Variants in MUC4 observed in about 807,000 individuals in gnomAD.
MUC4 encodes the protein mucin 4, cell surface associated.
In MUC4, 202 loss-of-function variants were observed where a neutral mutation model predicts 257.9. The observed-to-expected ratio is 0.78, with a 90% CI of 0.70 to 0.88. The LOEUF is 0.88. Ranked by LOEUF, MUC4 falls within the 40% of genes least tolerant of loss-of-function variation. The pLI is 0.00. For missense variants in MUC4, 5,976 were observed against 6,513.7 expected, an observed-to-expected ratio of 0.92 and a Z score of 2.84; for synonymous variants, 2,351 against 2,757.1, an observed-to-expected ratio of 0.85 and a Z score of 4.62.
chr3:195,748,340 G>A (rs1266706520), intron 24 of MUC4, among the ~76,000 whole-genome samples: 1 of 152,292 alleles, frequency 6.6e-6, no homozygotes, highest in Non-Finnish European at 1.5e-5. Context: ...AAGGTGGACG[G>A]ATCACCTGAG....
In MUC4 at chr3:195,790,718, T is replaced by C; in HGVS notation, c.862A>G (p.Ser288Gly). 1 of 1,614,022 alleles carries C rather than the reference T, an allele frequency of 6.2e-7. No homozygotes were observed. Among genetic ancestry groups the C allele is most frequent in the Non-Finnish European group, 8.5e-7 (1 of 1,179,898 alleles). ...GCTGCTGAGGTGACTGGCATAAGAC[T>C]TCCAGTAACAGGTACTGATGATGTC... ...GETSSVPVTG[S>G]LMPVTSAALV... The change falls in exon 2 of 25, where the codon AGT (serine) becomes GGT (glycine). Residue 288 changes from serine to glycine, a missense_variant. Around this residue, in one of 44 missense-constraint regions of MUC4, gnomAD observed 1,583 missense variants for 1,257.4 expected, o/e 1.26. Transcript: ENST00000463781.
In MUC4 at chr3:195,785,984, A is replaced by T. The variant is rs753733954; in HGVS notation, c.5596T>A (p.Ser1866Thr). ...AGAAGAGAGGTGGCGTGACCTGTGG[A>T]CACTGAGGAAGCGTCGGTGACAGGA... Reference protein sequence around the residue: ...SLPVTDASSVSTGHATSLLVT... With the variant: ...SLPVTDASSVTTGHATSLLVT... The change falls in exon 2 of 25, where the codon TCC becomes ACC. Residue 1866 changes from serine to threonine, a missense_variant. Transcript: ENST00000463781. 8 of 1,510,692 alleles carry T rather than the reference A, an allele frequency of 5.3e-6. No homozygotes were observed. Among genetic ancestry groups the T allele is most frequent in the Non-Finnish European group, 5.3e-6 (6 of 1,125,134 alleles). The allele number at this position is 1,510,692 out of a possible 1,614,324, so 93.6% of individuals were successfully genotyped here.
At chr3:195,767,076 G>A (rs1321841162) in intron 7 of MUC4, among the ~76,000 whole-genome samples, 1 of 152,104 alleles carries the variant, frequency 6.6e-6, no homozygotes, top group African/African-American at 2.4e-5. Context: ...CCTTCAACAA[G>A]CAGAGGGTTT....
rs756958315 is a variant in MUC4, at chr3:195,790,104, G to A, written c.1476C>T (p.Phe492=). The change falls in exon 2 of 25, where the codon TTC becomes TTT. Residue 492 remains phenylalanine, a synonymous_variant. Coordinates refer to ENST00000463781, the MANE Select transcript of MUC4 (RefSeq NM_018406.7). ...LHETTTWPSS[F]SSKGHTTWSQ... ...ACCAAGTTGTGTGGCCTTTGCTGGAGAATGAGGAAGGCCATGTTGTTGTTT... is the reference window on the plus strand; with the variant it reads ...ACCAAGTTGTGTGGCCTTTGCTGGAAAATGAGGAAGGCCATGTTGTTGTTT... 5.0e-6 allele frequency: 8 copies of A among 1,614,042 alleles called. No homozygotes were observed. Among genetic ancestry groups the A allele is most frequent in the Non-Finnish European group, 6.8e-6 (8 of 1,179,896 alleles).
rs75030029 is a variant in MUC4, at chr3:195,784,172, T to C, written c.7408A>G (p.Thr2470Ala). 0.09 allele frequency: 126,500 copies of C among 1,413,176 alleles called. 7,818 individuals carry two copies. Among genetic ancestry groups the C allele is most frequent in the Middle Eastern group, 0.2 (801 of 4,100 alleles). The allele number at this position is 1,413,176 out of a possible 1,614,324, so 87.5% of individuals were successfully genotyped here. ...GTGTGACCTGTGGATACTGAGGAAGTGTCGGTGCCAGGAAGAGGGGTGGTG... is the reference window on the plus strand; with the variant it reads ...GTGTGACCTGTGGATACTGAGGAAGCGTCGGTGCCAGGAAGAGGGGTGGTG... ...GDTTPLPGTD[T>A]SSVSTGHTTP... is the part of the protein sequence containing the mutation. Residue 2470 changes from threonine to alanine, a missense_variant, in exon 2 of 25, where the codon ACT becomes GCT. Thr to Ala is a moderately conservative substitution (Grantham distance 58). Transcript: ENST00000463781.
Position 195,765,118 on chromosome 3 carries a change from GCGA to G in MUC4, c.13800_13802del (p.Arg4601del), listed in dbSNP as rs746489512. The G allele has an allele frequency of 1.2e-5, 20 of 1,612,258 alleles. No homozygotes were observed. The highest frequency in any genetic ancestry group is 6.8e-6 in the Non-Finnish European group (8 of 1,179,158). Reference sequence around the variant, plus strand: ...ACAGCTGCCTACTGCCGAGGCCCCAGCGACCTGAAACAAGTCCAGTCCCACTCA... The same window carrying G: ...ACAGCTGCCTACTGCCGAGGCCCCAGCCTGAAACAAGTCCAGTCCCACTCA... On this transcript the variant is annotated inframe_deletion and splice_region_variant, in exon 10 of 25. Transcript: ENST00000463781.
In MUC4 at chr3:195,810,558, A is replaced by G. The variant is rs1215771653; in HGVS notation, c.82+1178T>C. Among the ~76,000 whole-genome samples, 2 of 151,946 alleles carry G rather than the reference A, an allele frequency of 1.3e-5. No homozygotes were observed. Among genetic ancestry groups the G allele is most frequent in the Non-Finnish European group, 2.9e-5 (2 of 67,964 alleles). On this transcript the variant is annotated intron_variant, in intron 1 of 24. Coordinates refer to ENST00000463781, the MANE Select transcript of MUC4 (RefSeq NM_018406.7). The surrounding 1 kb of genome is among the most constrained non-coding windows in gnomAD (Gnocchi z 4.2). Reference sequence around the variant, plus strand: ...CTGTACACGGAGGAGCCCAAGGCCAATGCCGGGGCTACGAGCCCCAGGCAA... The same window carrying G: ...CTGTACACGGAGGAGCCCAAGGCCAGTGCCGGGGCTACGAGCCCCAGGCAA...
At position 195,779,061 on chromosome 3, in the gene MUC4, G is replaced by A. The variant is rs1450301846; in HGVS notation, c.12519C>T (p.His4173=). 744 of 712,080 alleles carry A rather than the reference G, an allele frequency of 1.0e-3. 137 individuals are homozygous for A. The African/African-American group carries it at 0.017, about 16-fold the overall frequency. 44.1% of individuals were successfully genotyped at this position (712,080 alleles called of 1,614,324 possible). Residue 4173 remains histidine (H), a synonymous_variant, in exon 2 of 25, where the codon CAC becomes CAT. Coordinates refer to ENST00000463781, the MANE Select transcript of MUC4 (RefSeq NM_018406.7). ...VTDASSVSTG[H]GTPLPVTSTS... ...TGCTGGTGACAGGAAGAGGGGTGCC[G>A]TGACCTGTGGACACTGAGGAAGCGT...
intron 20 of MUC4, among the ~76,000 whole-genome samples, chr3:195,752,674 G>A (rs868251181): frequency 3.9e-3 from 488 of 126,528 alleles, no homozygotes; most frequent in African/African-American, 0.018. Flanking sequence ...AGGTCGCTGA[G>A]CAAACCGGGA....
Position 195,786,557 on chromosome 3 carries a change from T to A in MUC4, c.5023A>T (p.Thr1675Ser). 2 of 1,515,074 alleles carry A rather than the reference T, an allele frequency of 1.3e-6. No homozygotes were observed. Among genetic ancestry groups the A allele is most frequent in the Non-Finnish European group, 1.8e-6 (2 of 1,124,876 alleles). The allele number at this position is 1,515,074 out of a possible 1,614,324, so 93.9% of individuals were successfully genotyped here. ...ACAGGAAGAGGGGTGGCGTGACCGG[T>A]GGATGCTGAGGAAGTGCTGGTGACA... is the stretch of plus-strand genomic sequence containing the variant. ...LPVTSTSSAS[T>S]GHATPLPVTG... The change falls in exon 2 of 25, where the codon ACC becomes TCC. Residue 1675 changes from threonine to serine, a missense_variant. This residue lies in a region of MUC4 where 61 missense variants were observed against 100.2 expected (regional missense o/e 0.61). Transcript: ENST00000463781.
rs533450550 is a variant in MUC4, at chr3:195,806,628, T to C, written c.82+5108A>G. 2.0e-3 allele frequency among the ~76,000 whole-genome samples: 309 copies of C among 152,318 alleles called. 2 individuals are homozygous for C. The highest frequency in any genetic ancestry group is 4.4e-3 in the Admixed American group (67 of 15,288). On this transcript the variant is annotated intron_variant, in intron 1 of 24. Transcript: ENST00000463781. ...TTTAATTAACAAATGAATGAATGAA[T>C]GGCTGTCTCAGCAGGGTGTGTGAAT...
In MUC4 at chr3:195,788,248, G is replaced by A. The variant is rs1733097379; in HGVS notation, c.3332C>T (p.Ser1111Phe). Residue 1111 changes from serine (S) to phenylalanine (F), a missense_variant, in exon 2 of 25, where the codon TCC becomes TTC. This residue lies in a region of MUC4 where 68 missense variants were observed against 90.4 expected (regional missense o/e 0.75). Transcript: ENST00000463781. The stretch of plus-strand genomic sequence containing the variant: ...GGTGGTGTGACCTGTGGATACTGAG[G>A]AAGTGTCGGTGACAGGAAGAGAGGT... ...HATSLPVTDT[S>F]SVSTGHTTPL... is the part of the protein sequence containing the mutation. 1.4e-6 allele frequency: 2 copies of A among 1,475,522 alleles called. No homozygotes were observed. Among genetic ancestry groups the A allele is most frequent in the Non-Finnish European group, 1.8e-6 (2 of 1,105,558 alleles). 91.4% of individuals were successfully genotyped at this position (1,475,522 alleles called of 1,614,324 possible).
At position 195,778,211 on chromosome 3, in the gene MUC4, C is replaced by T. The variant is rs1402090064; in HGVS notation, c.12943+92G>A. ...TGTCCTCGGTAAGGCCCTCCCCACC[C>T]GAGAGAGCGGAGACTGTGGGAAGTA... On this transcript the variant is annotated intron_variant, in intron 3 of 24. Coordinates refer to ENST00000463781, the MANE Select transcript of MUC4 (RefSeq NM_018406.7). The T allele has an allele frequency of 4.1e-5, 60 of 1,448,360 alleles. No individual in the cohort carries two copies. In the Admixed American group the frequency reaches 1.0e-3, roughly 25 times the overall value. The allele number at this position is 1,448,360 out of a possible 1,614,324, so 89.7% of individuals were successfully genotyped here.
At position 195,771,581 on chromosome 3, in the gene MUC4, C is replaced by T. The variant is rs1297346967; in HGVS notation, c.13242+71G>A. On this transcript the variant is annotated intron_variant, in intron 5 of 24. Coordinates refer to ENST00000463781, the MANE Select transcript of MUC4 (RefSeq NM_018406.7). ...GTCACAGCAGCAACTCTGGCAAAGC[C>T]TTCCACACAGCTCTTTGTCTCCCCT... The T allele has an allele frequency of 3.2e-6, 5 of 1,550,898 alleles. No individual in the cohort carries two copies. The East Asian group carries it at 1.1e-4, about 36-fold the overall frequency.
At position 195,789,180 on chromosome 3, in the gene MUC4, C is replaced by T. The variant is rs770722469; in HGVS notation, c.2400G>A (p.Ala800=). ...PASSGSRTTS[A]GTATPSSSGA... ...CGGATGAGGAAGGGGTAGCTGTGCC[C>T]GCTGAGGTGGTTCGTGACCCTGAGG... is the stretch of plus-strand genomic sequence containing the variant. The change falls in exon 2 of 25, where the codon GCG becomes GCA. Residue 800 remains alanine, a synonymous_variant. Coordinates refer to ENST00000463781, the MANE Select transcript of MUC4 (RefSeq NM_018406.7). 14 of 1,613,686 alleles carry T rather than the reference C, an allele frequency of 8.7e-6. No individual in the cohort carries two copies. In the Admixed American group the frequency reaches 1.2e-4, roughly 13 times the overall value.
Position 195,789,253 on chromosome 3 carries a change from G to T in MUC4, c.2327C>A (p.Ala776Asp). 6.2e-7 allele frequency: 1 copy of T among 1,613,928 alleles called. No individual in the cohort carries two copies. Among genetic ancestry groups the T allele is most frequent in the Non-Finnish European group, 8.5e-7 (1 of 1,179,862 alleles). ...TAAAMTHTHQAESTEASGQTQ... is the reference protein window; with the variant it reads ...TAAAMTHTHQDESTEASGQTQ... ...TTGTCCAGAGGCCTCTGTGCTCTCA[G>T]CCTGGTGGGTATGGGTCATGGCTGC... is the stretch of plus-strand genomic sequence containing the variant. The change falls in exon 2 of 25, where the codon GCT becomes GAT. Residue 776 changes from alanine to aspartate, a missense_variant. By Grantham distance (126) the Ala-to-Asp change is moderately radical. This residue lies in a region of MUC4 where 1,583 missense variants were observed against 1,257.4 expected (regional missense o/e 1.26). Transcript: ENST00000463781.
intron 1 of MUC4, among the ~76,000 whole-genome samples, chr3:195,801,355 C>A (rs2641773): frequency 0.5 from 75,831 of 151,426 alleles, 19,728 homozygotes; most frequent in East Asian, 0.75. Flanking sequence ...TCCCCGTGAC[C>A]CTCCATTTTC....
Position 195,751,075 on chromosome 3 carries a change from G to A in MUC4, c.15685C>T (p.His5229Tyr), listed in dbSNP as rs1023691897. 4.5e-6 allele frequency: 7 copies of A among 1,565,338 alleles called. No individual in the cohort carries two copies. The highest frequency in any genetic ancestry group is 5.2e-6 in the Non-Finnish European group (6 of 1,150,360). Reference protein sequence around the residue: ...AAPASGSPIQHWMVISEFQYR... With the variant: ...AAPASGSPIQYWMVISEFQYR... Reference sequence around the variant, plus strand: ...TGGAACTCCGAGATGACCATCCAGTGTTGGATGGGGCTTCCCGAGGCCGGT... The same window carrying A: ...TGGAACTCCGAGATGACCATCCAGTATTGGATGGGGCTTCCCGAGGCCGGT... The change falls in exon 23 of 25, where the codon CAC (histidine) becomes TAC (tyrosine). Residue 5229 changes from histidine to tyrosine, a missense_variant. Coordinates refer to ENST00000463781, the MANE Select transcript of MUC4 (RefSeq NM_018406.7).
At chr3:195,748,418 G>C (rs1715596260) in intron 24 of MUC4, among the ~76,000 whole-genome samples, 1 of 152,280 alleles carries the variant, frequency 6.6e-6, no homozygotes, top group East Asian at 1.9e-4. Context: ...GCAAAAATCA[G>C]CTGGGCGTGG....
Sources: gnomAD v4.1 joint callset for allele counts (sites outside exome capture counted in the v4.1 genomes callset) on GRCh38, gnomAD v4.1.1 for gene constraint, gnomAD v4.1.1 regional missense constraint, Gnocchi (gnomAD v3.1) non-coding constraint, MANE v1.5 for transcripts, NCBI Gene and HGNC (gene_info 2026-07-23, HGNC 2026-07-21) for gene names.